The following KCNMA1 variants were observed in gnomAD, a reference collection of about 807,000 sequenced individuals.
KCNMA1 encodes the protein Calcium-activated potassium channel subunit alpha-1.
KCNMA1 carries 29 observed loss-of-function variants against 140.0 expected under a neutral mutation model. The ratio of observed to expected loss-of-function variants is 0.21; its 90% CI spans 0.15 to 0.28. The LOEUF (loss-of-function observed/expected upper bound fraction) is 0.28. Ranked by LOEUF, KCNMA1 falls within the 10% of genes least tolerant of loss-of-function variation. The pLI is 1.00. For synonymous variants in KCNMA1, 612 were observed against 611.9 expected (o/e 1.00, Z 0.00); for missense variants, 880 against 1,602.2 (o/e 0.55, Z 7.70).
At chr10:77,585,270 G>A (rs1005637536) in intron 1 of KCNMA1, among the ~76,000 whole-genome samples, 5 of 152,152 alleles carry the variant, frequency 3.3e-5, no homozygotes, top group African/African-American at 4.8e-5. Flanking sequence ...GCCCCACAAC[G>A]CACTAGCCGG....
chr10:76,884,046 TATC>T, downstream of KCNMA1: 1 of 923,146 alleles, frequency 1.1e-6, no homozygotes, highest in South Asian at 5.0e-5. Context: ...TTCCATCTCT[TATC>T]ATAGTCTGTT....
chr10:77,572,023 T>C (rs1376725934), intron 1 of KCNMA1, among the ~76,000 whole-genome samples: 2 of 152,056 alleles, frequency 1.3e-5, no homozygotes, highest in Admixed American at 6.5e-5. Context: ...GCAGTTCCAA[T>C]TGAGGAGCAT....
chr10:76,917,375 T>C (rs77855849), intron 23 of KCNMA1, among the ~76,000 whole-genome samples: 3,496 of 152,200 alleles, frequency 0.023, 137 homozygotes, highest in African/African-American at 0.079. Flanking sequence ...GGTCACACGG[T>C]ATTAGGAAAA....
chr10:77,182,749 A>G (rs1489873709), intron 5 of KCNMA1, among the ~76,000 whole-genome samples: 2 of 152,166 alleles, frequency 1.3e-5, no homozygotes, highest in African/African-American at 4.8e-5. Flanking sequence ...AATGAAATCA[A>G]CGCAGCAATG....
intron 1 of KCNMA1, chr10:77,586,270 T>A (rs1362889579): frequency 6.6e-6 from 1 of 152,134 alleles, no homozygotes; most frequent in African/African-American, 2.4e-5. Flanking sequence ...CCACCCACAC[T>A]CTTGGTTCTA....
intron 1 of KCNMA1, among the ~76,000 whole-genome samples, chr10:77,500,410 G>A (rs2043449913): frequency 6.6e-6 from 1 of 152,168 alleles, no homozygotes; most frequent in African/African-American, 2.4e-5. Flanking sequence ...TGCTTTGGGA[G>A]GCCGAGGTGG....
intron 5 of KCNMA1, among the ~76,000 whole-genome samples, chr10:77,124,492 G>C (rs1191046055): frequency 1.3e-5 from 2 of 152,158 alleles, no homozygotes; most frequent in Non-Finnish European, 2.9e-5. Flanking sequence ...AAGATCAATA[G>C]TGTATACATA....
intron 9 of KCNMA1, among the ~76,000 whole-genome samples, chr10:77,106,512 A>G (rs2097201478): frequency 6.7e-6 from 1 of 149,184 alleles, no homozygotes; most frequent in South Asian, 2.2e-4. Context: ...CAGCTCACCC[A>G]CATTTGACTA....
intron 3 of KCNMA1, among the ~76,000 whole-genome samples, chr10:77,188,746 G>A (rs1360389296): frequency 6.6e-6 from 1 of 152,134 alleles, no homozygotes; most frequent in Admixed American, 6.6e-5. Context: ...AAAGACTCTT[G>A]AGCAGGATGA....
intron 10 of KCNMA1, among the ~76,000 whole-genome samples, chr10:77,089,050 T>C (rs991735642): frequency 6.6e-6 from 1 of 152,214 alleles, no homozygotes; most frequent in Non-Finnish European, 1.5e-5. Context: ...CAGTAGAGGA[T>C]GGGCCACACA....
At chr10:77,443,021 G>A (rs887586735) in intron 1 of KCNMA1, among the ~76,000 whole-genome samples, 5 of 152,086 alleles carry the variant, frequency 3.3e-5, no homozygotes, top group African/African-American at 9.7e-5. Flanking sequence ...TTGTTTTTTC[G>A]CTCATGTGTT....
At chr10:77,624,027 A>G (rs1190818656) in intron 1 of KCNMA1, among the ~76,000 whole-genome samples, 1 of 152,136 alleles carries the variant, frequency 6.6e-6, no homozygotes, top group African/African-American at 2.4e-5. Context: ...TTCGGAGGTT[A>G]CTGAGTATTT....
chr10:77,366,289 C>T (rs2094355481), intron 2 of KCNMA1, among the ~76,000 whole-genome samples: 1 of 152,076 alleles, frequency 6.6e-6, no homozygotes, highest in African/African-American at 2.4e-5. Context: ...CTGTCTCAGC[C>T]CCTGGAGTAG....
At chr10:77,300,892 C>T (rs183680438) in intron 2 of KCNMA1, among the ~76,000 whole-genome samples, 352 of 152,256 alleles carry the variant, frequency 2.3e-3, no homozygotes, top group South Asian at 8.9e-3. Context: ...GTTCTGAGCC[C>T]GAGCTGCTCA....
chr10:77,578,907 T>C (rs2075052648), intron 1 of KCNMA1, among the ~76,000 whole-genome samples: 1 of 152,240 alleles, frequency 6.6e-6, no homozygotes, highest in Admixed American at 6.5e-5. Flanking sequence ...TCTTCACATC[T>C]AGAGCACCTG....
In KCNMA1 at chr10:77,441,119, G is replaced by A. The variant is rs187667415; in HGVS notation, c.379-37096C>T. Among the ~76,000 whole-genome samples the A allele has an allele frequency of 3.5e-4, 54 of 152,146 alleles. 1 individual carries two copies. The highest frequency in any genetic ancestry group is 1.6e-3 in the Admixed American group (24 of 15,286). ...ATTACAGGCGTGAGCCACCGCGCCC[G>A]GCCAAGAATCAAAATTCAAAGGGCC... On this transcript the variant is annotated intron_variant, in intron 1 of 27. Coordinates refer to ENST00000286628, the MANE Select transcript of KCNMA1 (RefSeq NM_001161352.2).
chr10:77,620,000 A>G (rs533455475), intron 1 of KCNMA1, among the ~76,000 whole-genome samples: 1 of 152,254 alleles, frequency 6.6e-6, no homozygotes, highest in East Asian at 1.9e-4. Flanking sequence ...ACGCCAGGTC[A>G]TCTCCGCTTT....
At chr10:77,624,794 G>A (rs1465154901) in intron 1 of KCNMA1, among the ~76,000 whole-genome samples, 1 of 152,072 alleles carries the variant, frequency 6.6e-6, no homozygotes, top group Non-Finnish European at 1.5e-5. Context: ...CACTCTAAGA[G>A]TAGACACCAT....
intron 1 of KCNMA1, among the ~76,000 whole-genome samples, chr10:77,623,610 G>A (rs2091930275): frequency 6.6e-6 from 1 of 151,956 alleles, no homozygotes; most frequent in Non-Finnish European, 1.5e-5. Context: ...GGCTGAGGCA[G>A]GAGAATTGCT....
Sources: gnomAD v4.1 joint callset for allele counts (sites outside exome capture counted in the v4.1 genomes callset) on GRCh38, gnomAD v4.1.1 for gene constraint, MANE v1.5 for transcripts, NCBI Gene and HGNC (gene_info 2026-07-23, HGNC 2026-07-21) for gene names.